Variants in VMP1 observed in about 807,000 individuals in gnomAD.
VMP1 encodes the protein ectopic P-granules autophagy protein 3 homolog.
A neutral mutation model predicts 56.0 loss-of-function variants in VMP1; 11 were observed. The ratio of observed to expected loss-of-function variants is 0.20; its 90% CI spans 0.12 to 0.32. The LOEUF (loss-of-function observed/expected upper bound fraction) is 0.32, where lower values mean the gene tolerates loss of function less well. Ranked by LOEUF, VMP1 falls within the 10% of genes least tolerant of loss-of-function variation. The probability of loss-of-function intolerance (pLI) is 1.00; values close to 1 mark genes in which losing one functional copy is unlikely to be tolerated. For missense variants in VMP1, 296 were observed against 490.3 expected, an observed-to-expected ratio of 0.60 and a Z score of 3.74; for synonymous variants, 149 against 165.0, an observed-to-expected ratio of 0.90 and a Z score of 0.74.
chr17:59,764,096 C>G (rs1026047430), intron 5 of VMP1, among the ~76,000 whole-genome samples: 1 of 151,976 alleles, frequency 6.6e-6, no homozygotes. Flanking sequence ...TATGATCTCA[C>G]TGGGAAAGGT....
At chr17:59,809,824 G>T (rs1047269802) in intron 8 of VMP1, among the ~76,000 whole-genome samples, 11 of 151,990 alleles carry the variant, frequency 7.2e-5, no homozygotes, top group African/African-American at 2.7e-4. Context: ...CTTATTAAAT[G>T]AGCTGTTTTC....
chr17:59,774,524 A>T (rs1002528447), intron 7 of VMP1, among the ~76,000 whole-genome samples: 7 of 152,212 alleles, frequency 4.6e-5, no homozygotes, highest in African/African-American at 1.7e-4. Context: ...TAGTGTGCAG[A>T]GCTGCTGAAA....
intron 10 of VMP1, among the ~76,000 whole-genome samples, chr17:59,836,445 A>G (rs2038983983): frequency 6.6e-6 from 1 of 151,768 alleles, no homozygotes; most frequent in East Asian, 1.9e-4. Flanking sequence ...CCATCCTCCC[A>G]TCTTGGCCTC....
chr17:59,838,072 T>A (rs2039037212), intron 10 of VMP1: 1 of 325,016 alleles, frequency 3.1e-6, no homozygotes, highest in African/African-American at 2.2e-5. Flanking sequence ...TTTTGGTTTT[T>A]AAGGGGTTGT....
At chr17:59,777,105 C>T (rs553944391) in intron 7 of VMP1, among the ~76,000 whole-genome samples, 15 of 152,192 alleles carry the variant, frequency 9.9e-5, no homozygotes, top group Admixed American at 3.3e-4. Flanking sequence ...TCTCTGGAGC[C>T]CTCCATGCTC....
chr17:59,752,714 G>A (rs887712778), intron 5 of VMP1, among the ~76,000 whole-genome samples: 1 of 152,122 alleles, frequency 6.6e-6, no homozygotes, highest in Non-Finnish European at 1.5e-5. Context: ...CAACCATTTT[G>A]AGGAATAAAT....
chr17:59,733,829 A>T (rs1325701811), intron 2 of VMP1, among the ~76,000 whole-genome samples: 1 of 152,198 alleles, frequency 6.6e-6, no homozygotes, highest in African/African-American at 2.4e-5. Flanking sequence ...AGCTCATTTA[A>T]TCCTTAAAAT....
At chr17:59,839,738 C>T (rs1336045420) in intron 11 of VMP1, 30 bp from the exon 12 acceptor site, 5 of 1,581,522 alleles carry the variant, frequency 3.2e-6, no homozygotes, top group Admixed American at 2.0e-5. Context: ...AAGCCTTTTT[C>T]ATTGCATTGT....
At position 59,738,904 on chromosome 17, in the gene VMP1, C is replaced by G; in HGVS notation, c.371C>G (p.Ser124Cys). The change falls in exon 5 of 12, where the codon TCT (serine) becomes TGT (cysteine). Residue 124 changes from serine (S) to cysteine (C), a missense_variant. Around this residue, in one of 4 missense-constraint regions of VMP1, gnomAD observed 126 missense variants for 231.6 expected, o/e 0.54. Transcript: ENST00000262291. ...TGGATAGGCTTAGGAATTTTGTCTTCTGTTGGGCTTGGAACAGGGCTGCAC... is the reference window on the plus strand; with the variant it reads ...TGGATAGGCTTAGGAATTTTGTCTTGTGTTGGGCTTGGAACAGGGCTGCAC... ...AYWIGLGILS[S>C]VGLGTGLHTF... 2 of 1,612,958 alleles carry G rather than the reference C, an allele frequency of 1.2e-6. No homozygotes were observed. The highest frequency in any genetic ancestry group is 1.7e-6 in the Non-Finnish European group (2 of 1,179,560).
At chr17:59,838,434 A>G in intron 11 of VMP1, 37 bp downstream of exon 11, 1 of 1,604,220 alleles carries the variant, frequency 6.2e-7, no homozygotes, top group Non-Finnish European at 8.5e-7. Flanking sequence ...CCCTCTGGGA[A>G]GTTTCGGGCT....
At chr17:59,718,386 T>C (rs1247702886) in intron 1 of VMP1, among the ~76,000 whole-genome samples, 11 of 151,464 alleles carry the variant, frequency 7.3e-5, no homozygotes, top group Non-Finnish European at 1.2e-4. Flanking sequence ...TTAGTAGAGA[T>C]GGGGTTTCAC....
chr17:59,717,222 G>A (rs1406434213), intron 1 of VMP1, among the ~76,000 whole-genome samples: 2 of 151,810 alleles, frequency 1.3e-5, no homozygotes, highest in Non-Finnish European at 2.9e-5. Flanking sequence ...CGCCCGCTTC[G>A]GCCTCCCAAA....
chr17:59,816,421 A>G (rs2038233045), intron 9 of VMP1, among the ~76,000 whole-genome samples: 1 of 152,226 alleles, frequency 6.6e-6, no homozygotes, highest in South Asian at 2.1e-4. Context: ...TACCAATTGT[A>G]TACCTTTGCC....
intron 5 of VMP1, among the ~76,000 whole-genome samples, chr17:59,744,443 CAA>C (rs1364860062): frequency 3.8e-5 from 3 of 79,676 alleles, no homozygotes; most frequent in Non-Finnish European, 7.0e-5. Context: ...GCCTGGGCAA[CAA>C]GAGCGAAATT....
At chr17:59,821,825 C>T (rs2038465383) in intron 10 of VMP1, among the ~76,000 whole-genome samples, 1 of 151,646 alleles carries the variant, frequency 6.6e-6, no homozygotes. Flanking sequence ...GCTGGGATTA[C>T]AGGCGTGAGC....
chr17:59,709,593 G>C (rs1356547528), intron 1 of VMP1, among the ~76,000 whole-genome samples: 1 of 152,166 alleles, frequency 6.6e-6, no homozygotes, highest in Non-Finnish European at 1.5e-5. Context: ...TGTCAGTGTA[G>C]AATACTGTTA....
intron 7 of VMP1, among the ~76,000 whole-genome samples, chr17:59,783,089 C>A (rs568872567): frequency 2.6e-5 from 4 of 151,912 alleles, no homozygotes; most frequent in African/African-American, 9.7e-5. Flanking sequence ...CCAGCTACTC[C>A]GGAGGCTGAG....
chr17:59,801,106 A>G (rs1208463967), intron 7 of VMP1, among the ~76,000 whole-genome samples: 45 of 128,172 alleles, frequency 3.5e-4, no homozygotes, highest in African/African-American at 1.7e-3. Context: ...ATATATATAT[A>G]TATATATGTG....
chr17:59,763,431 A>G (rs1039263342), intron 5 of VMP1, among the ~76,000 whole-genome samples: 1 of 152,102 alleles, frequency 6.6e-6, no homozygotes, highest in Non-Finnish European at 1.5e-5. Context: ...CTGCATTTCC[A>G]AGAATTAAAA....
Sources: gnomAD v4.1 joint callset for allele counts (sites outside exome capture counted in the v4.1 genomes callset) on GRCh38, gnomAD v4.1.1 for gene constraint, gnomAD v4.1.1 regional missense constraint, MANE v1.5 for transcripts, NCBI Gene and HGNC (gene_info 2026-07-23, HGNC 2026-07-21) for gene names.